PKD2L2: variants seen among roughly 807,000 people sequenced by gnomAD.
PKD2L2 encodes polycystin 2 like 2, transient receptor potential cation channel.
In PKD2L2, 67 loss-of-function variants were observed where a neutral mutation model predicts 83.9. That is an observed-to-expected ratio of 0.80 (90% CI 0.66 to 0.98). The LOEUF is 0.98. PKD2L2 is among the 50% of genes least tolerant of loss of function. PKD2L2 has a pLI of 0.00. For missense variants in PKD2L2, 632 were observed against 717.2 expected (o/e 0.88, Z 1.36); for synonymous variants, 223 against 237.8 (o/e 0.94, Z 0.57).
intron 12 of PKD2L2, among the ~76,000 whole-genome samples, chr5:137,927,372 A>G (rs1158756752): frequency 6.6e-6 from 1 of 152,226 alleles, no homozygotes; most frequent in Non-Finnish European, 1.5e-5. Flanking sequence ...ATTCTACAAA[A>G]TAACTGGCCT....
intron 4 of PKD2L2, among the ~76,000 whole-genome samples, chr5:137,898,545 G>A (rs888907088): frequency 3.9e-5 from 6 of 152,090 alleles, no homozygotes; most frequent in Admixed American, 3.9e-4. Flanking sequence ...ACAACAGATG[G>A]ATTTTTTTGT....
chr5:137,941,942 A>G, intron 14 of PKD2L2: 1 of 1,612,650 alleles, frequency 6.2e-7, no homozygotes, highest in East Asian at 2.2e-5. Flanking sequence ...TGCTCAACAA[A>G]CCTTCCATTT....
intron 1 of PKD2L2, 134 bp downstream of exon 1, chr5:137,889,656 T>A: frequency 1.4e-6 from 1 of 704,742 alleles, no homozygotes; most frequent in Non-Finnish European, 2.2e-6. Context: ...CAGCCTCCCC[T>A]GGGGAAGCGG....
At chr5:137,910,594 G>T (rs191317458) in intron 8 of PKD2L2, among the ~76,000 whole-genome samples, 1,719 of 151,804 alleles carry the variant, frequency 0.011, 27 homozygotes, top group African/African-American at 0.04. Context: ...CCAACATGGC[G>T]AAACTCCGTC....
chr5:137,917,786 CTTGT>C (rs1308209008), intron 8 of PKD2L2, among the ~76,000 whole-genome samples: 3 of 152,186 alleles, frequency 2.0e-5, no homozygotes, highest in South Asian at 2.1e-4. Context: ...ATGCGTTTTT[CTTGT>C]TTTTGTTTTT....
At position 137,899,504 on chromosome 5, in the gene PKD2L2, T is replaced by C. The variant is rs770817228; in HGVS notation, c.525-12T>C. Reference sequence around the variant, plus strand: ...TTTGTCATTTCACCATTATTCTTTTTATGTGTAACAGATGGAGATATTCTA... The same window carrying C: ...TTTGTCATTTCACCATTATTCTTTTCATGTGTAACAGATGGAGATATTCTA... On this transcript the variant is annotated splice_polypyrimidine_tract_variant and intron_variant, in intron 4 of 14. Coordinates refer to ENST00000508883, the MANE Select transcript of PKD2L2 (RefSeq NM_001300921.2). The C allele has an allele frequency of 6.8e-7, 1 of 1,461,128 alleles. No homozygotes were observed. The highest frequency in any genetic ancestry group is 2.3e-5 in the East Asian group (1 of 44,162). 90.5% of individuals were successfully genotyped at this position (1,461,128 alleles called of 1,614,324 possible). A position where few individuals can be genotyped will look rare whatever the true frequency, so the allele number is the denominator to read the frequency against.
intron 8 of PKD2L2, among the ~76,000 whole-genome samples, chr5:137,914,861 T>G (rs1251016533): frequency 6.6e-6 from 1 of 152,210 alleles, no homozygotes; most frequent in East Asian, 1.9e-4. Context: ...ATCAAAATTT[T>G]TTCTGCCTCT....
intron 14 of PKD2L2, 22 bp from the exon 15 acceptor site, chr5:137,942,358 TTTTA>T (rs955349054): frequency 6.9e-6 from 2 of 291,402 alleles, no homozygotes; most frequent in African/African-American, 2.2e-5. Context: ...AACTGTAGGA[TTTTA>T]TTTGTTTGTT....
chr5:137,899,145 G>C (rs879642529), intron 4 of PKD2L2, among the ~76,000 whole-genome samples: 1 of 151,984 alleles, frequency 6.6e-6, no homozygotes, highest in Non-Finnish European at 1.5e-5. Context: ...TTGAGACAAG[G>C]TCTGGCTCTT....
At chr5:137,927,871 T>TA (rs910781017) in intron 12 of PKD2L2, among the ~76,000 whole-genome samples, 2 of 151,960 alleles carry the variant, frequency 1.3e-5, no homozygotes, top group African/African-American at 2.4e-5. Context: ...TGATATTCTT[T>TA]AAAAAAAATC....
chr5:137,940,432 G>T, intron 14 of PKD2L2: 22 of 751,952 alleles, frequency 2.9e-5, no homozygotes, highest in Admixed American at 5.4e-5. Flanking sequence ...GAGACATACT[G>T]TTACTAAACA....
At chr5:137,913,291 C>T (rs1758020361) in intron 8 of PKD2L2, among the ~76,000 whole-genome samples, 2 of 150,620 alleles carry the variant, frequency 1.3e-5, no homozygotes, top group African/African-American at 4.9e-5. Context: ...TCAAGCAATC[C>T]TCCCACCTCA....
intron 8 of PKD2L2, among the ~76,000 whole-genome samples, chr5:137,918,999 C>T (rs1222770256): frequency 1.3e-5 from 2 of 150,816 alleles, no homozygotes; most frequent in East Asian, 3.9e-4. Context: ...GGGAGAGGAC[C>T]ATCTAGTCAC....
intron 5 of PKD2L2, among the ~76,000 whole-genome samples, chr5:137,905,600 A>G (rs1232116247): frequency 6.6e-6 from 1 of 152,188 alleles, no homozygotes; most frequent in Non-Finnish European, 1.5e-5. Flanking sequence ...AACACCAGAG[A>G]TACAGTGAAC....
At chr5:137,940,155 C>G (rs1468988069) in intron 14 of PKD2L2, 3 of 1,613,192 alleles carry the variant, frequency 1.9e-6, no homozygotes, top group Admixed American at 1.7e-5. Flanking sequence ...TAAGTACCAG[C>G]CAAGTACACA....
intron 7 of PKD2L2, among the ~76,000 whole-genome samples, chr5:137,908,170 G>A (rs752620679): frequency 4.6e-5 from 7 of 152,076 alleles, no homozygotes; most frequent in Non-Finnish European, 4.4e-5. Flanking sequence ...TTAACTGGGT[G>A]TGGTGGTGCA....
At chr5:137,935,718 A>G in intron 12 of PKD2L2, 79 bp from the exon 13 acceptor site, 1 of 778,294 alleles carries the variant, frequency 1.3e-6, no homozygotes, top group South Asian at 1.7e-5. Flanking sequence ...AAGATCCTCA[A>G]TCCTGTGATG....
chr5:137,932,930 T>C (rs1759995507), intron 12 of PKD2L2, among the ~76,000 whole-genome samples: 2 of 151,874 alleles, frequency 1.3e-5, no homozygotes, highest in Admixed American at 6.6e-5. Context: ...GTGGGTGTGA[T>C]GAGGCTGCTT....
At chr5:137,941,966 C>T in intron 14 of PKD2L2, 1 of 1,613,926 alleles carries the variant, frequency 6.2e-7, no homozygotes, top group Non-Finnish European at 8.5e-7. Context: ...TGATAAAATG[C>T]TTCTTCAAAT....
Sources: gnomAD v4.1 joint callset for allele counts (sites outside exome capture counted in the v4.1 genomes callset) on GRCh38, gnomAD v4.1.1 for gene constraint, MANE v1.5 for transcripts, NCBI Gene and HGNC (gene_info 2026-07-23, HGNC 2026-07-21) for gene names.